The following PREX2 variants were observed in gnomAD, a reference collection of about 807,000 sequenced individuals.
PREX2 encodes the protein phosphatidylinositol 3,4,5-trisphosphate-dependent Rac exchanger 2 protein.
In PREX2, 107 loss-of-function variants were observed where a neutral mutation model predicts 203.2. The ratio of observed to expected loss-of-function variants is 0.53; its 90% CI spans 0.45 to 0.62. The LOEUF is 0.62. Ranked by LOEUF, PREX2 falls within the 20% of genes least tolerant of loss-of-function variation. The pLI, the probability that PREX2 is intolerant of heterozygous loss-of-function variation, is 0.00. For missense variants in PREX2, 1,777 were observed against 1,955.9 expected (o/e 0.91, Z 1.72); for synonymous variants, 672 against 663.6 (o/e 1.01, Z -0.19).
intron 23 of PREX2, chr8:68,105,839 A>G (rs548902962): frequency 6.6e-6 from 1 of 151,746 alleles, no homozygotes; most frequent in African/African-American, 2.4e-5. Flanking sequence ...AGATGCACCT[A>G]TTGGTGTATT....
intron 38 of PREX2, among the ~76,000 whole-genome samples, chr8:68,218,389 A>G (rs1358875447): frequency 2.0e-5 from 3 of 152,210 alleles, no homozygotes; most frequent in Non-Finnish European, 4.4e-5. Context: ...GCTCCAATTT[A>G]CTAATTACAA....
At chr8:68,229,952 A>G (rs1286279884) in intron 39 of PREX2, among the ~76,000 whole-genome samples, 1 of 152,208 alleles carries the variant, frequency 6.6e-6, no homozygotes, top group East Asian at 1.9e-4. Flanking sequence ...GGTCAATTGA[A>G]TGTATTCTTT....
At chr8:68,144,581 G>T (rs10100326) in intron 33 of PREX2, among the ~76,000 whole-genome samples, 63,392 of 151,834 alleles carry the variant, frequency 0.42, 14,572 homozygotes, top group African/African-American at 0.61. Flanking sequence ...TCCAGGAGCA[G>T]TTTTTTGTTG....
chr8:68,203,525 G>GAT (rs967550588), intron 37 of PREX2, among the ~76,000 whole-genome samples: 4 of 152,140 alleles, frequency 2.6e-5, no homozygotes, highest in African/African-American at 9.7e-5. Context: ...GCTTTACAGA[G>GAT]ATATATTTGA....
intron 23 of PREX2, chr8:68,105,714 CAT>C (rs1304153496): frequency 5.5e-6 from 1 of 180,864 alleles, no homozygotes; most frequent in Non-Finnish European, 8.9e-6. Context: ...TATATATACA[CAT>C]ATATATACAC....
At chr8:68,218,240 C>T (rs1268635792) in intron 38 of PREX2, among the ~76,000 whole-genome samples, 1 of 152,060 alleles carries the variant, frequency 6.6e-6, no homozygotes, top group Non-Finnish European at 1.5e-5. Context: ...GGACTGTCTT[C>T]GGGTCACTGG....
chr8:68,049,445 G>T (rs538786105), intron 8 of PREX2, among the ~76,000 whole-genome samples: 1 of 152,094 alleles, frequency 6.6e-6, no homozygotes, highest in East Asian at 1.9e-4. Context: ...TTTATTGAAA[G>T]AATACTGGCA....
At chr8:68,121,793 T>C (rs1167300169) in intron 30 of PREX2, among the ~76,000 whole-genome samples, 1 of 152,196 alleles carries the variant, frequency 6.6e-6, no homozygotes, top group East Asian at 1.9e-4. Flanking sequence ...GTGGGTGTGC[T>C]ACTGACCTCT....
At chr8:68,184,210 C>A (rs1431221254) in intron 35 of PREX2, among the ~76,000 whole-genome samples, 11 of 152,102 alleles carry the variant, frequency 7.2e-5, no homozygotes, top group East Asian at 1.9e-4. Flanking sequence ...GCAGGTTGAA[C>A]CTGTCTGGTG....
chr8:68,017,013 G>GAT (rs1381069838), intron 1 of PREX2, among the ~76,000 whole-genome samples: 28 of 152,140 alleles, frequency 1.8e-4, no homozygotes, highest in Admixed American at 1.8e-3. Context: ...GGTGATAATG[G>GAT]ATGGTGTCTT....
At chr8:68,142,325 A>C (rs1036605794) in intron 33 of PREX2, among the ~76,000 whole-genome samples, 1 of 152,018 alleles carries the variant, frequency 6.6e-6, no homozygotes, top group African/African-American at 2.4e-5. Context: ...CCTGGCATCC[A>C]CTGATTTTCT....
chr8:68,121,571 A>G (rs114219452), intron 30 of PREX2, among the ~76,000 whole-genome samples: 3,028 of 152,260 alleles, frequency 0.02, 102 homozygotes, highest in African/African-American at 0.068. Context: ...TAAATTGGAG[A>G]TATATGACTT....
intron 35 of PREX2, among the ~76,000 whole-genome samples, chr8:68,177,785 C>T (rs1812009643): frequency 6.6e-6 from 1 of 152,132 alleles, no homozygotes; most frequent in South Asian, 2.1e-4. Context: ...TGTTCTCCCT[C>T]CCACAACACC....
intron 13 of PREX2, among the ~76,000 whole-genome samples, chr8:68,072,161 C>T (rs1421333819): frequency 6.6e-6 from 1 of 152,100 alleles, no homozygotes; most frequent in Non-Finnish European, 1.5e-5. Context: ...TTCCAAGAAC[C>T]TATCCACAAT....
chr8:68,080,655 GT>G, intron 16 of PREX2, 70 bp downstream of exon 16: 6 of 1,460,578 alleles, frequency 4.1e-6, no homozygotes, highest in Non-Finnish European at 5.7e-6. Context: ...CGTTAAACAT[GT>G]TTGACGGTGA....
At chr8:67,960,425 A>G (rs1805603934) in intron 1 of PREX2, among the ~76,000 whole-genome samples, 1 of 151,968 alleles carries the variant, frequency 6.6e-6, no homozygotes, top group South Asian at 2.1e-4. Flanking sequence ...TGAGCTTGGC[A>G]CGTGCTCAGA....
intron 26 of PREX2, among the ~76,000 whole-genome samples, chr8:68,118,287 G>A (rs925782088): frequency 3.3e-5 from 5 of 151,374 alleles, no homozygotes; most frequent in African/African-American, 7.3e-5. Flanking sequence ...CCCTGCAGGC[G>A]GAGCTTGCAG....
chr8:68,212,128 T>C (rs1563589770), intron 37 of PREX2, among the ~76,000 whole-genome samples: 1 of 152,168 alleles, frequency 6.6e-6, no homozygotes, highest in Admixed American at 6.5e-5. Context: ...TCTCCCTGTG[T>C]GCACCAGCAT....
intron 21 of PREX2, among the ~76,000 whole-genome samples, chr8:68,096,087 G>A (rs1026174589): frequency 1.3e-5 from 2 of 152,154 alleles, no homozygotes; most frequent in East Asian, 1.9e-4. Flanking sequence ...ACTCATTGGA[G>A]CAATAAGGTT....
Sources: allele counts gnomAD v4.1 joint callset (sites outside exome capture counted in the v4.1 genomes callset), GRCh38; gene constraint gnomAD v4.1.1; transcripts MANE v1.5; gene names NCBI Gene and HGNC (gene_info 2026-07-23, HGNC 2026-07-21).